AXIN1: variants seen among roughly 807,000 people sequenced by gnomAD.
The protein encoded by AXIN1 is axin-1.
Under a neutral mutation model 76.4 loss-of-function variants are expected in AXIN1, and 30 were observed. The ratio of observed to expected loss-of-function variants is 0.39; its 90% CI spans 0.29 to 0.53. The LOEUF is 0.53. Among genes scored for constraint, AXIN1 ranks in the 20% least tolerant of loss-of-function variants. The pLI is 0.66. For missense variants in AXIN1, 1,140 were observed against 1,198.8 expected, an observed-to-expected ratio of 0.95 and a Z score of 0.72; for synonymous variants, 545 against 501.4, an observed-to-expected ratio of 1.09 and a Z score of -1.16.
At chr16:288,803 G>A (rs2052467198) in intron 10 of AXIN1, among the ~76,000 whole-genome samples, 1 of 152,244 alleles carries the variant, frequency 6.6e-6, no homozygotes, top group South Asian at 2.1e-4. Context: ...CTTGGTAGGA[G>A]GGGGCTTGGC....
At chr16:326,372 A>AAAAAAAAAAAAAAATATATAT (rs1380874299) in intron 2 of AXIN1, among the ~76,000 whole-genome samples, 1 of 86,466 alleles carries the variant, frequency 1.2e-5, no homozygotes, top group African/African-American at 5.8e-5. Context: ...AAAAAAAAAA[A>AAAAAAAAAAAAAAATATATAT]ATATATATAT....
Position 346,580 on chromosome 16 carries a change from A to G in AXIN1, c.446T>C (p.Ile149Thr). Reference protein sequence around the residue: ...KLARAIYRKYILDNNGIVSRQ... With the variant: ...KLARAIYRKYTLDNNGIVSRQ... ...GGACACGATGCCATTGTTATCAAGA[A>G]TGTACTTTCGGTAGATGGCTCTCGC... Residue 149 changes from isoleucine to threonine, a missense_variant, in exon 2 of 11, where the codon ATT becomes ACT. Physicochemically the swap from Ile to Thr is moderately conservative, Grantham distance 89. Around this residue, in one of 3 missense-constraint regions of AXIN1, gnomAD observed 708 missense variants for 776.9 expected, o/e 0.91. Coordinates refer to ENST00000262320, the MANE Select transcript of AXIN1 (RefSeq NM_003502.4). 6.2e-7 allele frequency: 1 copy of G among 1,611,706 alleles called. No individual in the cohort carries two copies.
Position 344,511 on chromosome 16 carries a change from A to C in AXIN1, c.878+1637T>G, listed in dbSNP as rs144059943. ...TGTTTTTTTTCTGAGACAGAGTTTCACTCTTGTCCTCTTGTCGCCCAGGCT... is the reference window on the plus strand; with the variant it reads ...TGTTTTTTTTCTGAGACAGAGTTTCCCTCTTGTCCTCTTGTCGCCCAGGCT... On this transcript the variant is annotated intron_variant, in intron 2 of 10. Coordinates refer to ENST00000262320, the MANE Select transcript of AXIN1 (RefSeq NM_003502.4). Among the ~76,000 whole-genome samples, 138 of 145,918 alleles carry C rather than the reference A, an allele frequency of 9.5e-4. 3 individuals carry two copies. In the East Asian group the frequency reaches 0.025, roughly 26 times the overall value.
In AXIN1 at chr16:314,567, G is replaced by T. The variant is rs753778708; in HGVS notation, c.995C>A (p.Thr332Asn). The T allele has an allele frequency of 5.0e-6, 8 of 1,613,930 alleles. No homozygotes were observed. Among genetic ancestry groups the T allele is most frequent in the Non-Finnish European group, 6.8e-6 (8 of 1,179,922 alleles). The change falls in exon 3 of 11, where the codon ACC becomes AAC. Residue 332 changes from threonine to asparagine, a missense_variant. By Grantham distance (65) the Thr-to-Asn change is moderately conservative. Transcript: ENST00000262320. ...EQQSLSSDAD[T>N]LSLTDSSVDG... is the part of the protein sequence containing the mutation. ...CACGCTGCTGTCCGTGAGGGACAGG[G>T]TGTCTGCATCGCTGGACAGGCTCTG...
chr16:298,642 A>T (rs563223455), intron 5 of AXIN1, among the ~76,000 whole-genome samples: 1 of 152,272 alleles, frequency 6.6e-6, no homozygotes, highest in Admixed American at 6.5e-5. Flanking sequence ...AGAATAGCGG[A>T]GACCACAGCC....
Position 288,012 on chromosome 16 carries a change from C to T in AXIN1, c.*110G>A. The T allele has an allele frequency of 6.4e-7, 1 of 1,563,880 alleles. No homozygotes were observed. The highest frequency in any genetic ancestry group is 8.7e-7 in the Non-Finnish European group (1 of 1,146,268). ...GGGTAGACCACAGGGATGGGTGGTA[C>T]ACCCAACACTGTTCCCCATCGGGCT... On this transcript the variant is annotated 3_prime_UTR_variant, in exon 11 of 11. Coordinates refer to ENST00000262320, the MANE Select transcript of AXIN1 (RefSeq NM_003502.4).
rs142464383 is a variant in AXIN1, at chr16:309,247, G to A, written c.1116+726C>T. 1.4e-3 allele frequency among the ~76,000 whole-genome samples: 215 copies of A among 151,842 alleles called. 3 individuals are homozygous for A. In the East Asian group the frequency reaches 0.034, roughly 24 times the overall value. On this transcript the variant is annotated intron_variant, in intron 4 of 10. Transcript: ENST00000262320. ...CGGGAGGCTGAGGCAGGAGAATGAC[G>A]TGAACCCGGGAGGCAGAGCTTGCAG...
chr16:329,272 CAAAAAAAAAAAAA>C (rs1176095680), intron 2 of AXIN1, among the ~76,000 whole-genome samples: 7 of 71,184 alleles, frequency 9.8e-5, no homozygotes, highest in African/African-American at 3.7e-4. Flanking sequence ...GCGAGACTGT[CAAAAAAAAAAAAA>C]AAAAAAAAAA....
chr16:291,141 G>A lies in AXIN1; in HGVS notation c.2294+49C>T, dbSNP rs143206516. The stretch of plus-strand genomic sequence containing the variant: ...TCTACGATGGGACCTGGCTTGGGAC[G>A]CCAGGGCTGGGGTGGGCAGGACCGG... On this transcript the variant is annotated intron_variant, in intron 9 of 10. Transcript: ENST00000262320. The A allele has an allele frequency of 2.2e-5, 33 of 1,529,108 alleles. No homozygotes were observed. In the East Asian group the frequency reaches 6.3e-4, roughly 29 times the overall value. The allele number at this position is 1,529,108 out of a possible 1,614,324, so 94.7% of individuals were successfully genotyped here.
intron 2 of AXIN1, among the ~76,000 whole-genome samples, chr16:336,730 TCA>T (rs2053810746): frequency 6.8e-6 from 1 of 147,048 alleles, no homozygotes; most frequent in African/African-American, 2.6e-5. Context: ...GGCAGGAGAA[TCA>T]TTTGAACCCA....
chr16:298,380 C>T (rs894796488), intron 5 of AXIN1, 129 bp from the exon 6 acceptor site: 59 of 1,144,136 alleles, frequency 5.2e-5, no homozygotes, highest in Non-Finnish European at 6.6e-5. Flanking sequence ...GGGGGCCCCT[C>T]GCCACCGGTC....
rs573370707 is a variant in AXIN1 at position 288,984 on chromosome 16, G to T, written c.2462+456C>A. Among the ~76,000 whole-genome samples, 462 of 152,378 alleles carry T rather than the reference G, an allele frequency of 3.0e-3. 3 individuals are homozygous for T. The highest frequency in any genetic ancestry group is 3.8e-3 in the Non-Finnish European group (256 of 68,028). The stretch of plus-strand genomic sequence containing the variant: ...CTTTGGACCCTCTCAGTCCTGTGGG[G>T]CCGAAAGCCTGATGCCACCCTCAGC... On this transcript the variant is annotated intron_variant, in intron 10 of 10. Transcript: ENST00000262320.
chr16:305,826 G>A (rs148114041), intron 4 of AXIN1, among the ~76,000 whole-genome samples: 6 of 152,126 alleles, frequency 3.9e-5, no homozygotes, highest in Non-Finnish European at 4.4e-5. Flanking sequence ...TTACAGGCGT[G>A]AGCCACTGCA....
intron 2 of AXIN1, among the ~76,000 whole-genome samples, chr16:316,849 G>A (rs2053313792): frequency 6.6e-6 from 1 of 152,332 alleles, no homozygotes; most frequent in East Asian, 1.9e-4. Context: ...AGTATATACA[G>A]GGTTCAGTAC....
chr16:338,840 T>C (rs2053857374), intron 2 of AXIN1, among the ~76,000 whole-genome samples: 1 of 151,684 alleles, frequency 6.6e-6, no homozygotes, highest in Admixed American at 6.6e-5. Flanking sequence ...AGAGAATCAC[T>C]TGAACCTGAG....
In AXIN1 at chr16:346,681, C is replaced by A. The variant is rs2141705773; in HGVS notation, c.345G>T (p.Leu115=). 6.4e-7 allele frequency: 1 copy of A among 1,567,882 alleles called. No homozygotes were observed. The highest frequency in any genetic ancestry group is 8.6e-7 in the Non-Finnish European group (1 of 1,157,676). Residue 115 remains leucine, a synonymous_variant, in exon 2 of 11, where the codon CTG becomes CTT. Transcript: ENST00000262320. ...FLKQEGCADL[L]DFWFACTGFR... Reference sequence around the variant, plus strand: ...AGCCAGTGCAGGCAAACCAGAAGTCCAGCAAGTCGGCACAGCCCTCCTGCT... The same window carrying A: ...AGCCAGTGCAGGCAAACCAGAAGTCAAGCAAGTCGGCACAGCCCTCCTGCT...
intron 2 of AXIN1, among the ~76,000 whole-genome samples, chr16:331,882 G>C (rs117966223): frequency 6.6e-6 from 1 of 152,190 alleles, no homozygotes; most frequent in African/African-American, 2.4e-5. Context: ...TCGGCCACTA[G>C]TCTGACCCCC....
intron 2 of AXIN1, among the ~76,000 whole-genome samples, chr16:344,780 C>A (rs190471880): frequency 1.3e-5 from 2 of 152,192 alleles, no homozygotes; most frequent in East Asian, 3.9e-4. Flanking sequence ...TGAGTCACTG[C>A]GCCCAGTCGA....
At chr16:304,194 G>C in intron 5 of AXIN1, 110 bp downstream of exon 5, 4 of 1,566,090 alleles carry the variant, frequency 2.6e-6, no homozygotes, top group Non-Finnish European at 3.5e-6. Context: ...TCATGGGTCA[G>C]CAGGCCTCGG....
Sources: gnomAD v4.1 joint callset for allele counts (sites outside exome capture counted in the v4.1 genomes callset) on GRCh38, gnomAD v4.1.1 for gene constraint, gnomAD v4.1.1 regional missense constraint, MANE v1.5 for transcripts, NCBI Gene and HGNC (gene_info 2026-07-23, HGNC 2026-07-21) for gene names.